USP34: variants seen among roughly 807,000 people sequenced by gnomAD.
The protein encoded by USP34 is ubiquitin carboxyl-terminal hydrolase 34.
Under a neutral mutation model 460.3 loss-of-function variants are expected in USP34, and 70 were observed. That is an observed-to-expected ratio of 0.15 (90% CI 0.13 to 0.19). The LOEUF is 0.19. USP34 is among the 10% of genes least tolerant of loss of function. USP34 has a pLI of 1.00. For synonymous variants in USP34, 1,647 were observed against 1,405.3 expected (o/e 1.17, Z -3.85); for missense variants, 3,985 against 4,236.2 (o/e 0.94, Z 1.65).
intron 2 of USP34, among the ~76,000 whole-genome samples, chr2:61,413,619 C>T (rs1453467429): frequency 6.9e-6 from 1 of 145,854 alleles, no homozygotes; most frequent in Non-Finnish European, 1.5e-5. Context: ...ACGATCACGC[C>T]ATTGCACTCC....
intron 21 of USP34, 131 bp downstream of exon 21, chr2:61,325,244 A>C: frequency 1.8e-6 from 1 of 566,388 alleles, no homozygotes; most frequent in Non-Finnish European, 3.0e-6. Context: ...ACAAACATAC[A>C]TGTGCCCACT....
intron 21 of USP34, among the ~76,000 whole-genome samples, chr2:61,325,035 G>C (rs1691042939): frequency 1.3e-5 from 2 of 152,006 alleles, no homozygotes; most frequent in Non-Finnish European, 2.9e-5. Flanking sequence ...GTAAGCAGGA[G>C]CTAAACAATG....
chr2:61,277,438 T>C (rs564535647), intron 41 of USP34, among the ~76,000 whole-genome samples: 57 of 152,170 alleles, frequency 3.7e-4, no homozygotes, highest in African/African-American at 1.3e-3. Flanking sequence ...GGTTTCACCA[T>C]GTTGCCTTGG....
chr2:61,342,798 A>G (rs1691647176), intron 16 of USP34, among the ~76,000 whole-genome samples: 1 of 152,232 alleles, frequency 6.6e-6, no homozygotes, highest in Admixed American at 6.5e-5. Flanking sequence ...GGTTGTGAAA[A>G]GAAAACCATT....
intron 58 of USP34, 90 bp from the exon 59 acceptor site, chr2:61,229,723 C>G: frequency 1.8e-6 from 2 of 1,118,264 alleles, no homozygotes; most frequent in African/African-American, 1.6e-5. Context: ...CTCTGCCACC[C>G]ATTTATAGTT....
intron 1 of USP34, among the ~76,000 whole-genome samples, chr2:61,460,808 C>T (rs191024897): frequency 3.3e-5 from 5 of 151,990 alleles, no homozygotes; most frequent in African/African-American, 1.2e-4. Context: ...CATGGAGAAA[C>T]TCTGTCTCTA....
At chr2:61,392,490 A>G (rs1167156313) in intron 5 of USP34, among the ~76,000 whole-genome samples, 1 of 151,936 alleles carries the variant, frequency 6.6e-6, no homozygotes, top group East Asian at 1.9e-4. Flanking sequence ...TGGGTGTGGT[A>G]GCGTGCACTA....
chr2:61,290,632 G>C (rs542814089), intron 33 of USP34, among the ~76,000 whole-genome samples: 193 of 152,192 alleles, frequency 1.3e-3, no homozygotes, highest in Non-Finnish European at 1.8e-3. Flanking sequence ...ACACAAAGTG[G>C]AGGAAGAAAA....
chr2:61,286,872 T>C (rs1689704721), intron 34 of USP34, among the ~76,000 whole-genome samples: 1 of 152,106 alleles, frequency 6.6e-6, no homozygotes, highest in Non-Finnish European at 1.5e-5. Flanking sequence ...CTTATGTATA[T>C]TTATATTATT....
chr2:61,303,404 T>G (rs1690291218), intron 27 of USP34, among the ~76,000 whole-genome samples: 1 of 152,108 alleles, frequency 6.6e-6, no homozygotes, highest in African/African-American at 2.4e-5. Context: ...ATTATATACT[T>G]GATTTAGTGT....
At chr2:61,306,112 G>A (rs1690396011) in intron 27 of USP34, among the ~76,000 whole-genome samples, 1 of 151,894 alleles carries the variant, frequency 6.6e-6, no homozygotes, top group South Asian at 2.1e-4. Context: ...TGGCTTTGTT[G>A]CCATTGCTTT....
At chr2:61,307,069 T>C (rs1690432041) in intron 27 of USP34, among the ~76,000 whole-genome samples, 2 of 152,118 alleles carry the variant, frequency 1.3e-5, no homozygotes, top group South Asian at 4.1e-4. Context: ...CCAACCCAAA[T>C]GTCCATCAAT....
chr2:61,423,514 A>G (rs969816942), intron 1 of USP34, among the ~76,000 whole-genome samples: 3 of 152,230 alleles, frequency 2.0e-5, no homozygotes, highest in Admixed American at 6.5e-5. Flanking sequence ...AACAATGAAA[A>G]CTACAAAATG....
intron 2 of USP34, among the ~76,000 whole-genome samples, chr2:61,419,503 G>C (rs950095497): frequency 6.6e-6 from 1 of 151,966 alleles, no homozygotes; most frequent in Admixed American, 6.6e-5. Flanking sequence ...TCTTAATACA[G>C]GGATTAAAAA....
chr2:61,458,498 T>C (rs1695501957), intron 1 of USP34, among the ~76,000 whole-genome samples: 1 of 143,938 alleles, frequency 6.9e-6, no homozygotes, highest in South Asian at 2.2e-4. Flanking sequence ...GAAGCAGAGG[T>C]TGCAGTGAGC....
chr2:61,387,958 C>CATAT (rs67320666), intron 5 of USP34, among the ~76,000 whole-genome samples: 9 of 129,684 alleles, frequency 6.9e-5, no homozygotes, highest in Non-Finnish European at 1.3e-4. Flanking sequence ...CACACACACA[C>CATAT]ATATATATAT....
intron 19 of USP34, among the ~76,000 whole-genome samples, chr2:61,332,312 T>C (rs572642179): frequency 6.6e-6 from 1 of 152,184 alleles, no homozygotes; most frequent in South Asian, 2.1e-4. Flanking sequence ...ACAGCTTTTG[T>C]TGTTACTGAT....
At chr2:61,324,101 G>C (rs937558386) in intron 21 of USP34, among the ~76,000 whole-genome samples, 2 of 152,124 alleles carry the variant, frequency 1.3e-5, no homozygotes, top group Non-Finnish European at 2.9e-5. Flanking sequence ...AAGAGACAAT[G>C]TCCTTCTAAA....
chr2:61,380,833 G>T (rs1028316659), intron 6 of USP34, among the ~76,000 whole-genome samples: 1 of 152,182 alleles, frequency 6.6e-6, no homozygotes, highest in Non-Finnish European at 1.5e-5. Flanking sequence ...CCTGCTGGAT[G>T]AAAGAGAAGT....
Sources: allele counts gnomAD v4.1 joint callset (sites outside exome capture counted in the v4.1 genomes callset), GRCh38; gene constraint gnomAD v4.1.1; transcripts MANE v1.5; gene names NCBI Gene and HGNC (gene_info 2026-07-23, HGNC 2026-07-21).